Variants in COBL observed in about 807,000 individuals in gnomAD.
The protein encoded by COBL is cordon-bleu WH2 repeat protein.
Under a neutral mutation model 98.8 loss-of-function variants are expected in COBL, and 51 were observed. The ratio of observed to expected loss-of-function variants is 0.52; its 90% CI spans 0.41 to 0.65. The LOEUF (loss-of-function observed/expected upper bound fraction) is 0.65, where lower values mean the gene tolerates loss of function less well. Among genes scored for constraint, COBL ranks in the 30% least tolerant of loss-of-function variants. The pLI is 0.00. For synonymous variants in COBL, 634 were observed against 651.7 expected, an observed-to-expected ratio of 0.97 and a Z score of 0.41; for missense variants, 1,617 against 1,617.5, an observed-to-expected ratio of 1.00 and a Z score of 0.01.
chr7:51,256,521 C>A (rs1168750966), intron 1 of COBL, among the ~76,000 whole-genome samples: 1 of 152,226 alleles, frequency 6.6e-6, no homozygotes, highest in South Asian at 2.1e-4. Context: ...TGGGCTTTCA[C>A]TCAGGAGTTC....
At chr7:51,284,922 G>C (rs567585481) in intron 1 of COBL, among the ~76,000 whole-genome samples, 1 of 151,588 alleles carries the variant, frequency 6.6e-6, no homozygotes, top group Admixed American at 6.6e-5. Context: ...CAAGGTAAGA[G>C]TGTGTATTCT....
intron 1 of COBL, among the ~76,000 whole-genome samples, chr7:51,264,281 A>G (rs1278876639): frequency 6.6e-6 from 1 of 152,202 alleles, no homozygotes; most frequent in Non-Finnish European, 1.5e-5. Context: ...GCCTGGCTGA[A>G]TAAGCCAGGA....
intron 1 of COBL, among the ~76,000 whole-genome samples, chr7:51,248,083 G>A (rs751154940): frequency 6.6e-6 from 1 of 151,908 alleles, no homozygotes; most frequent in Admixed American, 6.5e-5. Context: ...AGGCTGCAGT[G>A]AGCCGAGATC....
chr7:51,102,591 T>G (rs1795903577), intron 6 of COBL, among the ~76,000 whole-genome samples: 1 of 152,154 alleles, frequency 6.6e-6, no homozygotes, highest in South Asian at 2.1e-4. Flanking sequence ...ACACATACAT[T>G]AGGTTCACGT....
intron 7 of COBL, among the ~76,000 whole-genome samples, chr7:51,070,300 T>G (rs1583678778): frequency 6.6e-6 from 1 of 152,104 alleles, no homozygotes; most frequent in South Asian, 2.1e-4. Flanking sequence ...TTGCTTGTTG[T>G]CATTTTACCA....
At chr7:51,315,289 ACTT>A (rs1359263051) in intron 1 of COBL, among the ~76,000 whole-genome samples, 1 of 152,082 alleles carries the variant, frequency 6.6e-6, no homozygotes, top group African/African-American at 2.4e-5. Flanking sequence ...GAGAAAGAAA[ACTT>A]CTTTTTAACA....
At chr7:51,207,482 C>T (rs376254602) in intron 2 of COBL, among the ~76,000 whole-genome samples, 4 of 152,170 alleles carry the variant, frequency 2.6e-5, no homozygotes, top group African/African-American at 4.8e-5. Flanking sequence ...GATGCCGAGC[C>T]GAAGCAGGAC....
intron 1 of COBL, among the ~76,000 whole-genome samples, chr7:51,222,935 A>G (rs912495546): frequency 1.3e-5 from 2 of 152,046 alleles, no homozygotes; most frequent in Non-Finnish European, 2.9e-5. Context: ...ACCCAGAGGC[A>G]CCCTTGTAAT....
intron 7 of COBL, among the ~76,000 whole-genome samples, chr7:51,082,709 C>T (rs1411253058): frequency 6.6e-6 from 1 of 152,200 alleles, no homozygotes; most frequent in Non-Finnish European, 1.5e-5. Flanking sequence ...AGTTAGCCCA[C>T]CATCCAGATC....
At chr7:51,250,588 C>T (rs1796641233) in intron 1 of COBL, among the ~76,000 whole-genome samples, 1 of 152,150 alleles carries the variant, frequency 6.6e-6, no homozygotes, top group Non-Finnish European at 1.5e-5. Flanking sequence ...GTGCAAGTAT[C>T]TTTTATTGTC....
chr7:51,228,348 G>C (rs892769847), intron 1 of COBL, among the ~76,000 whole-genome samples: 1 of 151,384 alleles, frequency 6.6e-6, no homozygotes, highest in Non-Finnish European at 1.5e-5. Flanking sequence ...TCAATGACTG[G>C]TGGTAATTAC....
chr7:51,040,170 T>A (rs1789032470), intron 8 of COBL, among the ~76,000 whole-genome samples: 1 of 150,696 alleles, frequency 6.6e-6, no homozygotes. Context: ...ATGTCTAATT[T>A]GTCAGTTGAG....
chr7:51,218,754 G>A (rs199735726), intron 2 of COBL, among the ~76,000 whole-genome samples: 2 of 152,152 alleles, frequency 1.3e-5, no homozygotes, highest in East Asian at 3.8e-4. Context: ...GGGACTACAG[G>A]CCACCGTGCC....
rs1554421096 is a variant in COBL at position 51,187,331 on chromosome 7, T to TATATATAC, written c.686-3133_686-3132insGTATATAT. Among the ~76,000 whole-genome samples, 310 of 101,428 alleles carry TATATATAC rather than the reference T, an allele frequency of 3.1e-3. 1 individual carries two copies. Among genetic ancestry groups the TATATATAC allele is most frequent in the East Asian group, 0.016 (57 of 3,562 alleles). The allele number at this position is 101,428 out of a possible 152,430, so 66.5% of individuals were successfully genotyped here. A position where few individuals can be genotyped will look rare whatever the true frequency, so the allele number is the denominator to read the frequency against. On this transcript the variant is annotated intron_variant, in intron 4 of 12. Coordinates refer to ENST00000265136, the MANE Select transcript of COBL (RefSeq NM_015198.5). ...TTAAGTATATATATATATATATATATACACACACACACACACACACACACA... is the reference window on the plus strand; with the variant it reads ...TTAAGTATATATATATATATATATATATATATACACACACACACACACACACACACACA...
chr7:51,235,498 A>G (rs904309539), intron 1 of COBL, among the ~76,000 whole-genome samples: 1 of 152,114 alleles, frequency 6.6e-6, no homozygotes, highest in Non-Finnish European at 1.5e-5. Context: ...CTGTGGTGGG[A>G]GTTTTTGTTG....
intron 6 of COBL, 147 bp from the exon 7 acceptor site, chr7:51,085,451 TC>T: frequency 1.2e-6 from 1 of 842,424 alleles, no homozygotes; most frequent in Non-Finnish European, 1.8e-6. Flanking sequence ...CAGTTCCCTT[TC>T]CAGGTCCTCC....
At chr7:51,182,096 T>G (rs2129050894) in intron 5 of COBL, among the ~76,000 whole-genome samples, 1 of 152,256 alleles carries the variant, frequency 6.6e-6, no homozygotes, top group Middle Eastern at 3.4e-3. Context: ...GAACAACTAC[T>G]TGAGGTCTAA....
At chr7:51,189,596 T>C (rs1789897948) in intron 4 of COBL, among the ~76,000 whole-genome samples, 1 of 151,852 alleles carries the variant, frequency 6.6e-6, no homozygotes, top group Non-Finnish European at 1.5e-5. Context: ...ATTGCACCAT[T>C]GCACTACAGC....
At chr7:51,220,764 C>A (rs1335060450) in intron 1 of COBL, among the ~76,000 whole-genome samples, 2 of 152,124 alleles carry the variant, frequency 1.3e-5, no homozygotes, top group Admixed American at 6.5e-5. Context: ...ACCCAACAGG[C>A]GGTTTTTCAA....
Sources: gnomAD v4.1 joint callset for allele counts (sites outside exome capture counted in the v4.1 genomes callset) on GRCh38, gnomAD v4.1.1 for gene constraint, MANE v1.5 for transcripts, NCBI Gene and HGNC (gene_info 2026-07-23, HGNC 2026-07-21) for gene names.